SLCO5A1: variants seen among roughly 807,000 people sequenced by gnomAD.
SLCO5A1 encodes the protein solute carrier organic anion transporter family member 5A1, also known as organic anion transporter polypeptide-related protein 4.
In SLCO5A1, 39 loss-of-function variants were observed where a neutral mutation model predicts 65.1. The observed-to-expected ratio is 0.60, with a 90% CI of 0.46 to 0.78. The LOEUF is 0.78. Among genes scored for constraint, SLCO5A1 ranks in the 30% least tolerant of loss-of-function variants. The probability of loss-of-function intolerance (pLI) is 0.00; values close to 1 mark genes in which losing one functional copy is unlikely to be tolerated. For missense variants in SLCO5A1, 1,029 were observed against 1,069.4 expected (o/e 0.96, Z 0.53); for synonymous variants, 438 against 415.7 (o/e 1.05, Z -0.65).
intron 4 of SLCO5A1, among the ~76,000 whole-genome samples, chr8:69,739,303 A>G (rs549895115): frequency 6.6e-6 from 1 of 152,268 alleles, no homozygotes; most frequent in South Asian, 2.1e-4. Context: ...GAACTTAGAA[A>G]GTTAAGATTA....
chr8:69,782,116 G>A (rs1174372325), intron 2 of SLCO5A1, among the ~76,000 whole-genome samples: 1 of 152,124 alleles, frequency 6.6e-6, no homozygotes, highest in East Asian at 1.9e-4. Context: ...CCTAATGCAT[G>A]TGGGGTTTAA....
intron 5 of SLCO5A1, among the ~76,000 whole-genome samples, chr8:69,727,423 C>T (rs1586731775): frequency 2.0e-5 from 3 of 152,136 alleles, no homozygotes; most frequent in African/African-American, 7.2e-5. Flanking sequence ...CTCTGAGTTA[C>T]AGATTATACA....
At chr8:69,684,286 T>C (rs1813915488) in intron 6 of SLCO5A1, among the ~76,000 whole-genome samples, 1 of 152,100 alleles carries the variant, frequency 6.6e-6, no homozygotes, top group Admixed American at 6.5e-5. Context: ...TTCTCACAAC[T>C]GAGGGGGTGC....
At chr8:69,763,105 T>C (rs767252537) in intron 2 of SLCO5A1, among the ~76,000 whole-genome samples, 1 of 151,958 alleles carries the variant, frequency 6.6e-6, no homozygotes, top group Non-Finnish European at 1.5e-5. Context: ...AGGTCAGGAA[T>C]TTAAGAGCAG....
intron 5 of SLCO5A1, among the ~76,000 whole-genome samples, chr8:69,707,919 G>A (rs1815048186): frequency 1.3e-5 from 2 of 152,188 alleles, no homozygotes; most frequent in South Asian, 4.1e-4. Context: ...GGAACAATCA[G>A]GTGAAATGCC....
intron 2 of SLCO5A1, among the ~76,000 whole-genome samples, chr8:69,802,992 G>T (rs1819817959): frequency 6.6e-6 from 1 of 152,112 alleles, no homozygotes; most frequent in Non-Finnish European, 1.5e-5. Context: ...ATTAATTAAT[G>T]AACCAATGAA....
intron 2 of SLCO5A1, among the ~76,000 whole-genome samples, chr8:69,825,862 C>T (rs1820867317): frequency 6.6e-6 from 1 of 152,176 alleles, no homozygotes; most frequent in South Asian, 2.1e-4. Flanking sequence ...AGGCATCACA[C>T]TACCTGACTT....
intron 5 of SLCO5A1, among the ~76,000 whole-genome samples, chr8:69,720,296 A>G (rs1286859120): frequency 6.6e-6 from 1 of 152,258 alleles, no homozygotes; most frequent in Non-Finnish European, 1.5e-5. Flanking sequence ...GTGCGAATGT[A>G]ATGTACCTCC....
intron 8 of SLCO5A1, among the ~76,000 whole-genome samples, chr8:69,679,086 G>A (rs6998953): frequency 0.039 from 5,971 of 152,248 alleles, 406 homozygotes; most frequent in African/African-American, 0.13. Context: ...GTTGAACCTC[G>A]TAGGGCAGAG....
intron 3 of SLCO5A1, among the ~76,000 whole-genome samples, chr8:69,760,785 G>A (rs1167615310): frequency 6.6e-6 from 1 of 152,130 alleles, no homozygotes; most frequent in Non-Finnish European, 1.5e-5. Flanking sequence ...TCTGTTATTT[G>A]GATAAATAAC....
rs183580023 is a variant in SLCO5A1 at position 69,784,432 on chromosome 8, C to T, written c.908-22557G>A. Among the ~76,000 whole-genome samples, 11 of 152,244 alleles carry T rather than the reference C, an allele frequency of 7.2e-5. No homozygotes were observed. The East Asian group carries it at 1.9e-3, about 27-fold the overall frequency. ...TGGAGCAACTAGAACTCTCATACAT[C>T]GCTGGTGGGAATGCATAAAAGTACA... On this transcript the variant is annotated intron_variant, in intron 2 of 9. Coordinates refer to ENST00000260126, the MANE Select transcript of SLCO5A1 (RefSeq NM_030958.3).
chr8:69,689,506 A>G (rs1446087534), intron 6 of SLCO5A1, among the ~76,000 whole-genome samples: 4 of 140,046 alleles, frequency 2.9e-5, no homozygotes, highest in East Asian at 2.0e-4. Flanking sequence ...ATCTTGAATT[A>G]ATTTTTGTAT....
intron 2 of SLCO5A1, chr8:69,794,759 G>A (rs1183916778): frequency 5.4e-6 from 1 of 186,292 alleles, no homozygotes; most frequent in Non-Finnish European, 1.2e-5. Flanking sequence ...AAATAGCTGA[G>A]ACTGGGTAAT....
chr8:69,706,421 T>A (rs531122803), intron 5 of SLCO5A1, among the ~76,000 whole-genome samples: 1 of 152,330 alleles, frequency 6.6e-6, no homozygotes, highest in East Asian at 1.9e-4. Flanking sequence ...GGTCTGAATG[T>A]TTGTGTCCCC....
chr8:69,748,487 A>G (rs929628772), intron 4 of SLCO5A1, among the ~76,000 whole-genome samples: 6 of 152,210 alleles, frequency 3.9e-5, no homozygotes, highest in Admixed American at 3.3e-4. Flanking sequence ...CATACATACA[A>G]TAAAATAATA....
chr8:69,727,350 T>C (rs1210916642), intron 5 of SLCO5A1, among the ~76,000 whole-genome samples: 2 of 152,198 alleles, frequency 1.3e-5, no homozygotes, highest in African/African-American at 2.4e-5. Context: ...ATGTCTTACC[T>C]AGTACATGAA....
rs189588957 is a variant in SLCO5A1 at position 69,731,026 on chromosome 8, C to T, written c.1423+7014G>A. Among the ~76,000 whole-genome samples, 8 of 149,970 alleles carry T rather than the reference C, an allele frequency of 5.3e-5. No homozygotes were observed. The East Asian group carries it at 1.6e-3, about 29-fold the overall frequency. ...ATTTTTTTTTTTTTTGAGATGAAGT[C>T]TGGCTCTATTGCCCAGGCTGGAGTG... On this transcript the variant is annotated intron_variant, in intron 5 of 9. Coordinates refer to ENST00000260126, the MANE Select transcript of SLCO5A1 (RefSeq NM_030958.3).
chr8:69,718,682 A>T (rs1815677300), intron 5 of SLCO5A1, among the ~76,000 whole-genome samples: 1 of 152,242 alleles, frequency 6.6e-6, no homozygotes, highest in African/African-American at 2.4e-5. Context: ...TTTAAAGTAT[A>T]TATTTAATTT....
intron 2 of SLCO5A1, among the ~76,000 whole-genome samples, chr8:69,792,083 G>A (rs935244447): frequency 2.0e-5 from 3 of 152,054 alleles, no homozygotes; most frequent in African/African-American, 7.2e-5. Context: ...TAGAGCACTG[G>A]GGTGTTAGAA....
Sources: gnomAD v4.1 joint callset for allele counts (sites outside exome capture counted in the v4.1 genomes callset) on GRCh38, gnomAD v4.1.1 for gene constraint, MANE v1.5 for transcripts, NCBI Gene and HGNC (gene_info 2026-07-23, HGNC 2026-07-21) for gene names.